Variants in PTPN5 observed in about 807,000 individuals in gnomAD.
PTPN5 encodes the protein tyrosine-protein phosphatase non-receptor type 5.
Under a neutral mutation model 73.9 loss-of-function variants are expected in PTPN5, and 29 were observed. The ratio of observed to expected loss-of-function variants is 0.39; its 90% CI spans 0.29 to 0.54. The LOEUF (loss-of-function observed/expected upper bound fraction) is 0.54. Among genes scored for constraint, PTPN5 ranks in the 20% least tolerant of loss-of-function variants. PTPN5 has a pLI of 0.65. For missense variants in PTPN5, 652 were observed against 751.4 expected (o/e 0.87, Z 1.55); for synonymous variants, 267 against 304.7 (o/e 0.88, Z 1.29).
At chr11:18,775,764 C>T (rs1851119167) in intron 1 of PTPN5, among the ~76,000 whole-genome samples, 1 of 152,176 alleles carries the variant, frequency 6.6e-6, no homozygotes, top group Admixed American at 6.5e-5. Context: ...AACCAAAGGG[C>T]CTGAATGAGA....
intron 1 of PTPN5, among the ~76,000 whole-genome samples, chr11:18,777,140 G>A (rs986371655): frequency 8.6e-5 from 13 of 151,540 alleles, no homozygotes; most frequent in African/African-American, 1.9e-4. Context: ...CAGCCTGGGC[G>A]ACAGAATGAG....
intron 3 of PTPN5, among the ~76,000 whole-genome samples, chr11:18,750,967 G>A (rs1849861142): frequency 6.6e-6 from 1 of 152,214 alleles, no homozygotes; most frequent in African/African-American, 2.4e-5. Flanking sequence ...TGCCTACCTG[G>A]CCTATTTTGA....
At chr11:18,767,898 G>A (rs992705903) in intron 2 of PTPN5, among the ~76,000 whole-genome samples, 13 of 152,174 alleles carry the variant, frequency 8.5e-5, no homozygotes, top group Non-Finnish European at 1.3e-4. Flanking sequence ...GCCACACTGG[G>A]AAGGCTCTTT....
rs756248817 is a variant in PTPN5 at position 18,728,930 on chromosome 11, G to A, written c.*4C>T. On this transcript the variant is annotated 3_prime_UTR_variant, in exon 15 of 15. Transcript: ENST00000358540. The surrounding 1 kb of genome is among the most constrained non-coding windows in gnomAD (Gnocchi z 4.1). ...GCCCAGAGAACCTTGTAGGAGAAGCGCAGTCATTCTGGGGACTGGTGGGAC... is the reference window on the plus strand; with the variant it reads ...GCCCAGAGAACCTTGTAGGAGAAGCACAGTCATTCTGGGGACTGGTGGGAC... 9.3e-6 allele frequency: 15 copies of A among 1,612,098 alleles called. No individual in the cohort carries two copies. The highest frequency in any genetic ancestry group is 2.7e-5 in the African/African-American group (2 of 74,836).
intron 2 of PTPN5, among the ~76,000 whole-genome samples, chr11:18,768,531 T>C (rs1446474848): frequency 5.3e-5 from 8 of 152,214 alleles, no homozygotes; most frequent in African/African-American, 1.9e-4. Flanking sequence ...AGGGGACCCA[T>C]GTGTGACTCA....
chr11:18,771,217 C>T (rs4076109), intron 2 of PTPN5, among the ~76,000 whole-genome samples: 9,468 of 152,116 alleles, frequency 0.062, 574 homozygotes, highest in African/African-American at 0.15. Context: ...CAACGTGGAG[C>T]TCCTACCACC....
intron 1 of PTPN5, among the ~76,000 whole-genome samples, chr11:18,790,844 T>C (rs550146103): frequency 1.8e-4 from 27 of 152,304 alleles, no homozygotes; most frequent in Non-Finnish European, 3.7e-4. Flanking sequence ...TTACTGGGCC[T>C]CAGTTTCCCC....
intron 2 of PTPN5, among the ~76,000 whole-genome samples, chr11:18,766,387 G>A (rs1276743892): frequency 6.6e-6 from 1 of 152,146 alleles, no homozygotes; most frequent in African/African-American, 2.4e-5. Flanking sequence ...TGAACCATGG[G>A]TGGACAAGAA....
chr11:18,787,573 A>C (rs1389019421), intron 1 of PTPN5, among the ~76,000 whole-genome samples: 1 of 152,132 alleles, frequency 6.6e-6, no homozygotes, highest in Non-Finnish European at 1.5e-5. Context: ...CCTTGAAGAC[A>C]CCAAGCTATT....
intron 8 of PTPN5, among the ~76,000 whole-genome samples, chr11:18,740,117 G>A (rs988144016): frequency 6.6e-6 from 1 of 152,210 alleles, no homozygotes; most frequent in African/African-American, 2.4e-5. Context: ...TCCAATAGGA[G>A]GCAGCTGGAG....
In PTPN5 at chr11:18,729,502, C is replaced by T; in HGVS notation, c.1555G>A (p.Glu519Lys). The part of the protein sequence containing the change: ...TSICCQQLRQ[E>K]GVVDILKTTC... ...GTCTTCAGGATGTCCACCACACCCTCCTGCCGCAGCTGCTGGCAGCAGATG... is the reference window on the plus strand; with the variant it reads ...GTCTTCAGGATGTCCACCACACCCTTCTGCCGCAGCTGCTGGCAGCAGATG... The change falls in exon 14 of 15, where the codon GAG (glutamate) becomes AAG (lysine). Residue 519 changes from glutamate (E) to lysine (K), a missense_variant. By Grantham distance (56) the Glu-to-Lys change is moderately conservative. Around this residue, in one of 3 missense-constraint regions of PTPN5, gnomAD observed 102 missense variants for 160.5 expected, o/e 0.64. Transcript: ENST00000358540. This position sits in a 1 kb window ranked among gnomAD's most constrained non-coding sequence, Gnocchi z 5.2. 1.9e-6 allele frequency: 3 copies of T among 1,602,790 alleles called. No individual in the cohort carries two copies. Among genetic ancestry groups the T allele is most frequent in the South Asian group, 2.2e-5 (2 of 90,970 alleles).
Position 18,733,487 on chromosome 11 carries a change from G to A in PTPN5, c.1080+69C>T. 1 of 1,612,066 alleles carries A rather than the reference G, an allele frequency of 6.2e-7. No homozygotes were observed. Among genetic ancestry groups the A allele is most frequent in the East Asian group, 2.2e-5 (1 of 44,876 alleles). ...GGAGCCAGACTGGTGTAGGGACAAG[G>A]CTGGAGGATGGATCCCATCGACTCA... On this transcript the variant is annotated intron_variant, in intron 10 of 14. Coordinates refer to ENST00000358540, the MANE Select transcript of PTPN5 (RefSeq NM_006906.2). The surrounding 1 kb of genome is among the most constrained non-coding windows in gnomAD (Gnocchi z 4.3).
intron 1 of PTPN5, among the ~76,000 whole-genome samples, chr11:18,779,003 C>T (rs1289030356): frequency 6.6e-6 from 1 of 152,180 alleles, no homozygotes; most frequent in Non-Finnish European, 1.5e-5. Context: ...ATGATCCCTT[C>T]TGGCATCTGC....
intron 1 of PTPN5, among the ~76,000 whole-genome samples, chr11:18,784,902 G>A (rs1482980825): frequency 1.3e-5 from 2 of 151,914 alleles, no homozygotes; most frequent in Non-Finnish European, 2.9e-5. Context: ...CACCCAGGCT[G>A]GAGTGCAGCG....
intron 3 of PTPN5, among the ~76,000 whole-genome samples, chr11:18,745,485 A>C (rs1368143816): frequency 6.6e-6 from 1 of 152,060 alleles, no homozygotes; most frequent in African/African-American, 2.4e-5. Flanking sequence ...CCCGCCCCCT[A>C]TGCTTTGACA....
chr11:18,742,253 C>T lies in PTPN5; in HGVS notation c.725+9G>A. The stretch of plus-strand genomic sequence containing the variant: ...CCCGTGGAGCCCACCCCTCCTCCAC[C>T]CCTCCCACCTCTCCTGCAGACCCAT... On this transcript the variant is annotated intron_variant, in intron 7 of 14. Transcript: ENST00000358540. This position sits in a 1 kb window ranked among gnomAD's most constrained non-coding sequence, Gnocchi z 4.1. 2 of 1,613,732 alleles carry T rather than the reference C, an allele frequency of 1.2e-6. No homozygotes were observed. Among genetic ancestry groups the T allele is most frequent in the East Asian group, 2.2e-5 (1 of 44,868 alleles).
intron 1 of PTPN5, among the ~76,000 whole-genome samples, chr11:18,776,112 GCTCCCT>G (rs1229295215): frequency 6.6e-6 from 1 of 152,140 alleles, no homozygotes; most frequent in African/African-American, 2.4e-5. Flanking sequence ...ATTGCATTCT[GCTCCCT>G]CTCCCTGCAC....
chr11:18,772,017 A>G lies in PTPN5; in HGVS notation c.-59T>C. 7.2e-7 allele frequency: 1 copy of G among 1,380,500 alleles called. No homozygotes were observed. Among genetic ancestry groups the G allele is most frequent in the Non-Finnish European group, 9.9e-7 (1 of 1,013,194 alleles). 85.5% of individuals were successfully genotyped at this position (1,380,500 alleles called of 1,614,324 possible). A position where few individuals can be genotyped will look rare whatever the true frequency, so the allele number is the denominator to read the frequency against. ...TTCCAGGGCAGGAAGCTTTCTCAGCAAAAAGCAAGCTGGTGATATAAATGA... is the reference window on the plus strand; with the variant it reads ...TTCCAGGGCAGGAAGCTTTCTCAGCGAAAAGCAAGCTGGTGATATAAATGA... On this transcript the variant is annotated 5_prime_UTR_variant, in exon 2 of 15. Transcript: ENST00000358540.
chr11:18,784,170 A>G (rs1294981805), intron 1 of PTPN5, among the ~76,000 whole-genome samples: 2 of 152,216 alleles, frequency 1.3e-5, no homozygotes, highest in African/African-American at 2.4e-5. Context: ...ACTGCGAGGT[A>G]TATACCCCAA....
Sources: allele counts gnomAD v4.1 joint callset (sites outside exome capture counted in the v4.1 genomes callset), GRCh38; gene constraint gnomAD v4.1.1; regional missense constraint gnomAD v4.1.1; non-coding constraint Gnocchi (gnomAD v3.1); transcripts MANE v1.5; gene names NCBI Gene and HGNC (gene_info 2026-07-23, HGNC 2026-07-21).